Variants in IL6ST observed in about 807,000 individuals in gnomAD.
IL6ST encodes the protein interleukin-6 receptor subunit beta.
IL6ST carries 24 observed loss-of-function variants against 91.3 expected under a neutral mutation model. The observed-to-expected ratio is 0.26, with a 90% CI of 0.19 to 0.37. The LOEUF (loss-of-function observed/expected upper bound fraction) is 0.37. IL6ST is among the 10% of genes least tolerant of loss of function. The pLI, the probability that IL6ST is intolerant of heterozygous loss-of-function variation, is 1.00. For missense variants in IL6ST, 914 were observed against 1,078.5 expected (o/e 0.85, Z 2.14); for synonymous variants, 351 against 373.6 (o/e 0.94, Z 0.70).
At chr5:55,973,939 T>A (rs1753114545) in intron 3 of IL6ST, among the ~76,000 whole-genome samples, 1 of 152,190 alleles carries the variant, frequency 6.6e-6, no homozygotes, top group South Asian at 2.1e-4. Context: ...AACACCAGGC[T>A]AAAACTGATA....
At chr5:55,987,936 G>A (rs1754069726) in intron 1 of IL6ST, among the ~76,000 whole-genome samples, 1 of 151,958 alleles carries the variant, frequency 6.6e-6, no homozygotes, top group African/African-American at 2.4e-5. Flanking sequence ...TTTGAGACCA[G>A]CCTGGCCAAT....
intron 2 of IL6ST, among the ~76,000 whole-genome samples, chr5:55,977,743 T>A (rs571720523): frequency 6.6e-6 from 1 of 152,038 alleles, no homozygotes; most frequent in African/African-American, 2.4e-5. Flanking sequence ...GGAGAACTGT[T>A]TGAACCCGTG....
At chr5:55,945,204 T>TA (rs1257530907) in intron 15 of IL6ST, among the ~76,000 whole-genome samples, 5 of 152,072 alleles carry the variant, frequency 3.3e-5, no homozygotes, top group Non-Finnish European at 5.9e-5. Flanking sequence ...ATAACTTCTT[T>TA]AAAAAAAGAA....
intron 14 of IL6ST, among the ~76,000 whole-genome samples, chr5:55,949,518 G>A (rs1751479715): frequency 6.6e-6 from 1 of 152,050 alleles, no homozygotes; most frequent in Admixed American, 6.5e-5. Context: ...TTTTATGTGT[G>A]TGTGTACACA....
At chr5:55,990,222 G>A (rs568740963) in intron 1 of IL6ST, among the ~76,000 whole-genome samples, 7 of 151,512 alleles carry the variant, frequency 4.6e-5, no homozygotes, top group African/African-American at 9.7e-5. Flanking sequence ...TCTTATTCAC[G>A]ATCAATCAGC....
chr5:55,957,301 A>T lies in IL6ST; in HGVS notation c.974-10T>A. On this transcript the variant is annotated splice_polypyrimidine_tract_variant and intron_variant, in intron 8 of 16. Transcript: ENST00000381298. ...GGTGCTTTAGATGGTCCTAAAGAAA[A>T]GACATAAACTCCTTAAAATAAAAAG... 7.6e-7 allele frequency: 1 copy of T among 1,323,390 alleles called. No individual in the cohort carries two copies. Among genetic ancestry groups the T allele is most frequent in the South Asian group, 1.3e-5 (1 of 76,048 alleles). The allele number at this position is 1,323,390 out of a possible 1,614,324, so 82.0% of individuals were successfully genotyped here.
intron 5 of IL6ST, among the ~76,000 whole-genome samples, chr5:55,966,431 T>C (rs1752634923): frequency 1.3e-5 from 2 of 152,244 alleles, no homozygotes; most frequent in South Asian, 2.1e-4. Context: ...TTGATACTGA[T>C]TGAGTTACAC....
chr5:55,992,218 ATCC>A (rs1754373489), intron 1 of IL6ST, among the ~76,000 whole-genome samples: 1 of 152,198 alleles, frequency 6.6e-6, no homozygotes, highest in Non-Finnish European at 1.5e-5. Flanking sequence ...ATATCTTGAT[ATCC>A]TCAGAATCTA....
At chr5:55,972,857 T>G (rs1020131224) in intron 3 of IL6ST, among the ~76,000 whole-genome samples, 22 of 151,812 alleles carry the variant, frequency 1.4e-4, no homozygotes, top group African/African-American at 4.8e-4. Flanking sequence ...ATACAAAAAT[T>G]ACCCGGGCGT....
chr5:55,945,974 A>C (rs1751225718), intron 15 of IL6ST, among the ~76,000 whole-genome samples: 1 of 152,164 alleles, frequency 6.6e-6, no homozygotes, highest in Non-Finnish European at 1.5e-5. Context: ...CAAAAAAACA[A>C]AGCACAGACT....
chr5:55,955,993 CAA>C (rs1751936480), intron 10 of IL6ST, 30 bp downstream of exon 10: 2 of 1,497,854 alleles, frequency 1.3e-6, no homozygotes, highest in Non-Finnish European at 1.9e-6. Context: ...TTTTTCCACC[CAA>C]GAGTCAGGCT....
intron 9 of IL6ST, 28 bp downstream of exon 9, chr5:55,957,181 G>T (rs559941025): frequency 3.7e-5 from 39 of 1,061,874 alleles, no homozygotes; most frequent in Non-Finnish European, 4.7e-5. Context: ...AGATTTATAA[G>T]AGATAAAATA....
chr5:55,982,024 GATTT>G (rs151183613), intron 2 of IL6ST, among the ~76,000 whole-genome samples: 1,621 of 152,204 alleles, frequency 0.011, 31 homozygotes, highest in African/African-American at 0.036. Context: ...GTTCATAAAT[GATTT>G]ATTTAAAATA....
intron 1 of IL6ST, among the ~76,000 whole-genome samples, chr5:55,991,046 A>G (rs1208526939): frequency 5.9e-5 from 9 of 152,238 alleles, no homozygotes; most frequent in African/African-American, 2.2e-4. Context: ...AGCTTCATCC[A>G]TGTCCCTACA....
intron 7 of IL6ST, among the ~76,000 whole-genome samples, chr5:55,962,279 G>A (rs1752365371): frequency 6.6e-6 from 1 of 152,164 alleles, no homozygotes; most frequent in Admixed American, 6.5e-5. Flanking sequence ...GGGGTAAGGA[G>A]AGAAGTAGTA....
rs57970223 is a variant in IL6ST, at chr5:55,936,341, GTTTTT to G, written c.*4736_*4740del. On this transcript the variant is annotated 3_prime_UTR_variant, in exon 17 of 17. Transcript: ENST00000381298. Reference sequence around the variant, plus strand: ...ACTTGGGCTCTTGACAACCAAGTAGGTTTTTTTTTTTTTTTTTTTTTTTAATGTCC... The same window carrying G: ...ACTTGGGCTCTTGACAACCAAGTAGGTTTTTTTTTTTTTTTTTTAATGTCC... The G allele has an allele frequency of 2.9e-4, 43 of 149,198 alleles. No homozygotes were observed. The highest frequency in any genetic ancestry group is 4.7e-4 in the Non-Finnish European group (35 of 75,030). The allele number at this position is 149,198 out of a possible 1,614,324, so 9.2% of individuals were successfully genotyped here. A position where few individuals can be genotyped will look rare whatever the true frequency, so the allele number is the denominator to read the frequency against.
In IL6ST at chr5:55,941,618, T is replaced by C. The variant is rs749517791; in HGVS notation, c.2221A>G (p.Ile741Val). The C allele has an allele frequency of 1.2e-6, 2 of 1,614,166 alleles. No individual in the cohort carries two copies. The highest frequency in any genetic ancestry group is 8.5e-7 in the Non-Finnish European group (1 of 1,180,010). ...GATTCATTTTCATCACTGCTAGAAA[T>C]GCTTGGCCTAGAAGATGACATGCAT... ...SSCMSSSRPS[I>V]SSSDENESSQ... is the part of the protein sequence containing the mutation. Residue 741 changes from isoleucine to valine, a missense_variant, in exon 17 of 17, where the codon ATT (isoleucine) becomes GTT (valine). By Grantham distance (29) the Ile-to-Val change is conservative (BLOSUM62 3). Transcript: ENST00000381298.
chr5:55,937,121 C>A lies in IL6ST; in HGVS notation c.*3961G>T, dbSNP rs1232199894. 1 of 207,754 alleles carries A rather than the reference C, an allele frequency of 4.8e-6. No homozygotes were observed. The highest frequency in any genetic ancestry group is 9.8e-6 in the Non-Finnish European group (1 of 101,762). The allele number at this position is 207,754 out of a possible 1,614,324, so 12.9% of individuals were successfully genotyped here. On this transcript the variant is annotated 3_prime_UTR_variant, in exon 17 of 17. Transcript: ENST00000381298. ...GTAGTTATCATTCAAAGCTTGTGTT[C>A]AAGAGATAAAAGAACATCATTCAGA...
chr5:55,966,585 G>A (rs1752642702), intron 5 of IL6ST, among the ~76,000 whole-genome samples: 1 of 152,100 alleles, frequency 6.6e-6, no homozygotes, highest in East Asian at 1.9e-4. Flanking sequence ...ATTAATGACT[G>A]TAACTCACTA....
Sources: allele counts gnomAD v4.1 joint callset (sites outside exome capture counted in the v4.1 genomes callset), GRCh38; gene constraint gnomAD v4.1.1; transcripts MANE v1.5; gene names NCBI Gene and HGNC (gene_info 2026-07-23, HGNC 2026-07-21).